The following DNAH7 variants were observed in gnomAD, a reference collection of about 807,000 sequenced individuals.
DNAH7 encodes dynein axonemal heavy chain 7.
DNAH7 carries 397 observed loss-of-function variants against 444.6 expected under a neutral mutation model. The ratio of observed to expected loss-of-function variants is 0.89; its 90% confidence interval spans 0.82 to 0.97. DNAH7 has a LOEUF of 0.97. DNAH7 is among the 50% of genes least tolerant of loss of function. The pLI, the probability that DNAH7 is intolerant of heterozygous loss-of-function variation, is 0.00. For missense variants in DNAH7, 4,902 were observed against 4,800.8 expected, an observed-to-expected ratio of 1.02 and a Z score of -0.62; for synonymous variants, 1,636 against 1,624.4, an observed-to-expected ratio of 1.01 and a Z score of -0.17.
intron 24 of DNAH7, among the ~76,000 whole-genome samples, chr2:195,911,168 T>C (rs1687335388): frequency 6.6e-6 from 1 of 152,184 alleles, no homozygotes; most frequent in Admixed American, 6.5e-5. Context: ...TGTTATTATA[T>C]AAATGGCGTC....
rs540152428 is a variant in DNAH7, at chr2:196,058,123, G to C, written c.16-7C>G. The C allele has an allele frequency of 6.4e-7, 1 of 1,564,022 alleles. No homozygotes were observed. The highest frequency in any genetic ancestry group is 1.2e-5 in the South Asian group (1 of 82,310). ...CTTTGCTGGCCGATTTATCCTGTAT[G>C]AAAAACATGAAAAAACAAAACTGTT... On this transcript the variant is annotated splice_region_variant and splice_polypyrimidine_tract_variant and intron_variant, in intron 1 of 64. Transcript: ENST00000312428.
chr2:195,744,688 A>G (rs1574352494), intron 63 of DNAH7, among the ~76,000 whole-genome samples: 1 of 152,160 alleles, frequency 6.6e-6, no homozygotes, highest in African/African-American at 2.4e-5. Context: ...AGCAGCATTC[A>G]CGGTTCACGA....
intron 12 of DNAH7, among the ~76,000 whole-genome samples, 154 bp downstream of exon 12, chr2:196,000,550 A>G (rs1345866333): frequency 6.6e-6 from 1 of 152,234 alleles, no homozygotes; most frequent in African/African-American, 2.4e-5. Flanking sequence ...TTGAGAGGCC[A>G]TTTGGAAAAT....
chr2:196,051,067 T>C, intron 3 of DNAH7, 120 bp downstream of exon 3: 1 of 872,536 alleles, frequency 1.1e-6, no homozygotes, highest in South Asian at 1.5e-5. Flanking sequence ...CCTCATAGAA[T>C]TTCTCCATCA....
intron 60 of DNAH7, 120 bp from the exon 61 acceptor site, chr2:195,772,010 T>G: frequency 1.2e-6 from 1 of 817,280 alleles, no homozygotes; most frequent in African/African-American, 1.7e-5. Context: ...TTATCCATGA[T>G]CCATCTCCAC....
intron 5 of DNAH7, among the ~76,000 whole-genome samples, chr2:196,044,581 A>G (rs1696985386): frequency 6.6e-6 from 1 of 152,178 alleles, no homozygotes; most frequent in South Asian, 2.1e-4. Context: ...TGTTTCCCCA[A>G]AAACTACTGA....
chr2:195,879,036 C>T (rs778354925), intron 36 of DNAH7, among the ~76,000 whole-genome samples: 6 of 152,074 alleles, frequency 3.9e-5, no homozygotes, highest in Non-Finnish European at 8.8e-5. Flanking sequence ...AAATAGTTTA[C>T]GTACCCTTCC....
chr2:195,771,974 T>C (rs1434297825), intron 60 of DNAH7, 84 bp from the exon 61 acceptor site: 7 of 1,154,840 alleles, frequency 6.1e-6, no homozygotes, highest in Non-Finnish European at 9.0e-6. Context: ...GGTAAATCTT[T>C]ATAAGAAAGA....
rs1205067886 is a variant in DNAH7 at position 195,936,708 on chromosome 2, TAAG to T, written c.3160_3162del (p.Leu1054del). On this transcript the variant is annotated inframe_deletion, in exon 20 of 65. Transcript: ENST00000312428. Reference sequence around the variant, plus strand: ...TTTTCCAAATATTCATTAAGTCCTTTAAGAATGAGCTCCAAAAGTTCATTAGAT... The same window carrying T: ...TTTTCCAAATATTCATTAAGTCCTTTAATGAGCTCCAAAAGTTCATTAGAT... The T allele has an allele frequency of 6.2e-7, 1 of 1,605,344 alleles. No individual in the cohort carries two copies. Among genetic ancestry groups the T allele is most frequent in the Non-Finnish European group, 8.5e-7 (1 of 1,176,842 alleles).
chr2:195,824,071 T>G (rs975425078), intron 49 of DNAH7, among the ~76,000 whole-genome samples, 184 bp downstream of exon 49: 4 of 152,212 alleles, frequency 2.6e-5, no homozygotes. Context: ...TGAAGTTTCC[T>G]TTATTACTTA....
At chr2:195,880,399 G>GCT (rs1434674694) in intron 36 of DNAH7, among the ~76,000 whole-genome samples, 13 of 151,030 alleles carry the variant, frequency 8.6e-5, no homozygotes, top group African/African-American at 2.9e-4. Flanking sequence ...CGCGATCTCG[G>GCT]CTCACTGCAA....
chr2:195,896,228 C>T (rs1371982346), intron 29 of DNAH7, among the ~76,000 whole-genome samples: 1 of 152,170 alleles, frequency 6.6e-6, no homozygotes, highest in Non-Finnish European at 1.5e-5. Context: ...TTTAGCCATG[C>T]TGTGCAGTGA....
Position 195,829,170 on chromosome 2 carries a change from T to C in DNAH7, c.9101-4725A>G, listed in dbSNP as rs1458226456. Among the ~76,000 whole-genome samples the C allele has an allele frequency of 3.3e-5, 5 of 152,300 alleles. No homozygotes were observed. The East Asian group carries it at 9.6e-4, about 29-fold the overall frequency. On this transcript the variant is annotated intron_variant, in intron 48 of 64. Coordinates refer to ENST00000312428, the MANE Select transcript of DNAH7 (RefSeq NM_018897.3). ...CTTTCTATTCACTGGTTGACTATAA[T>C]AACTACCAAAATAGGTGGTTCTCAG...
chr2:195,900,541 A>C, intron 27 of DNAH7, 47 bp from the exon 28 acceptor site: 1 of 1,558,620 alleles, frequency 6.4e-7, no homozygotes, highest in East Asian at 2.2e-5. Context: ...TCATAAAATA[A>C]GCTAGGCATG....
chr2:195,966,447 A>G (rs1282183464), intron 17 of DNAH7, among the ~76,000 whole-genome samples: 1 of 152,146 alleles, frequency 6.6e-6, no homozygotes, highest in African/African-American at 2.4e-5. Flanking sequence ...AATGTTCTGT[A>G]AATATTTATT....
intron 10 of DNAH7, among the ~76,000 whole-genome samples, chr2:196,005,158 G>A (rs565079768): frequency 6.7e-5 from 10 of 150,088 alleles, no homozygotes; most frequent in African/African-American, 9.8e-5. Context: ...CCTGTAGTCC[G>A]AGCTACTCAG....
rs1689081467 is a variant in DNAH7 at position 195,936,756 on chromosome 2, TTC to T, written c.3113_3114del (p.Arg1038AsnfsTer9). 2.5e-6 allele frequency: 4 copies of T among 1,589,732 alleles called. No individual in the cohort carries two copies. In the African/African-American group the frequency reaches 4.1e-5, roughly 16 times the overall value. On this transcript the variant is annotated frameshift_variant, in exon 20 of 65. Transcript: ENST00000312428. LOFTEE classifies it high-confidence loss of function. ...TTAGATTTTTTCAGCCTTTCCAGCATTCTGTCAATGGTTACAACTGTCAGAAC... is the reference window on the plus strand; with the variant it reads ...TTAGATTTTTTCAGCCTTTCCAGCATTGTCAATGGTTACAACTGTCAGAAC... ...KHVLTVVTID[R>X]MLERLKKSNE... is the part of the protein sequence containing the mutation.
chr2:195,742,198 G>A (rs372801944), intron 63 of DNAH7, among the ~76,000 whole-genome samples: 21 of 152,152 alleles, frequency 1.4e-4, no homozygotes, highest in Admixed American at 3.3e-4. Flanking sequence ...CACATTCTGC[G>A]TCTTTACCTC....
chr2:195,801,426 C>A (rs1421246515), intron 54 of DNAH7, among the ~76,000 whole-genome samples: 1 of 152,052 alleles, frequency 6.6e-6, no homozygotes, highest in Non-Finnish European at 1.5e-5. Flanking sequence ...AAATTAAACT[C>A]CTAGTAGACA....
Sources: gnomAD v4.1 joint callset for allele counts (sites outside exome capture counted in the v4.1 genomes callset) on GRCh38, gnomAD v4.1.1 for gene constraint, MANE v1.5 for transcripts, NCBI Gene and HGNC (gene_info 2026-07-23, HGNC 2026-07-21) for gene names.